The following MLIP variants were observed in gnomAD, a reference collection of about 807,000 sequenced individuals.
The protein encoded by MLIP is muscular LMNA interacting protein.
MLIP carries 79 observed loss-of-function variants against 84.8 expected under a neutral mutation model. That is an observed-to-expected ratio of 0.93 (90% CI 0.78 to 1.12). MLIP has a LOEUF of 1.12. Among genes scored for constraint, MLIP ranks in the 50% most tolerant of loss-of-function variants. The pLI is 0.00. For synonymous variants in MLIP, 504 were observed against 463.0 expected (o/e 1.09, Z -1.14); for missense variants, 1,257 against 1,160.6 (o/e 1.08, Z -1.21).
chr6:54,245,747 A>G (rs568238536), intron 12 of MLIP, among the ~76,000 whole-genome samples: 5 of 152,184 alleles, frequency 3.3e-5, no homozygotes, highest in Middle Eastern at 3.4e-3. Flanking sequence ...ACAAATATCA[A>G]TTTTATCAGT....
At chr6:54,260,845 C>T (rs1225095826) in intron 13 of MLIP, among the ~76,000 whole-genome samples, 2 of 151,876 alleles carry the variant, frequency 1.3e-5, no homozygotes, top group African/African-American at 4.8e-5. Context: ...ATGGGGCTGG[C>T]ATAGCATTTG....
chr6:54,204,995 C>G (rs915189428), intron 11 of MLIP, among the ~76,000 whole-genome samples: 3 of 152,156 alleles, frequency 2.0e-5, no homozygotes, highest in African/African-American at 7.2e-5. Context: ...GTCCCCTGGC[C>G]TTATTCATTG....
intron 13 of MLIP, among the ~76,000 whole-genome samples, chr6:54,258,374 T>C (rs1466796979): frequency 6.6e-6 from 1 of 152,160 alleles, no homozygotes; most frequent in Non-Finnish European, 1.5e-5. Flanking sequence ...TGTCATAGTA[T>C]AAGACTGATG....
chr6:54,247,263 G>A lies in MLIP; in HGVS notation c.2923-10045G>A, dbSNP rs147606564. Among the ~76,000 whole-genome samples, 16 of 152,260 alleles carry A rather than the reference G, an allele frequency of 1.1e-4. No individual in the cohort carries two copies. The East Asian group carries it at 3.1e-3, about 29-fold the overall frequency. On this transcript the variant is annotated intron_variant, in intron 12 of 13. Coordinates refer to ENST00000502396, the MANE Select transcript of MLIP (RefSeq NM_001281747.2). ...GGATGGCTGAAACTGACTGACAGTGGAGAGTTTTCTTTAAGGGCTTCTTAG... is the reference window on the plus strand; with the variant it reads ...GGATGGCTGAAACTGACTGACAGTGAAGAGTTTTCTTTAAGGGCTTCTTAG...
In MLIP at chr6:54,137,086, C is replaced by T. The variant is rs192760034; in HGVS notation, c.1017C>T (p.His339=). ...CTTTAACCTCGCATGTCCTTAGTCA[C>T]GGAGAAAGTCCGAGAACCTCTTCTT... is the stretch of plus-strand genomic sequence containing the variant. ...KTTLTSHVLS[H]GESPRTSSSP... Residue 339 remains histidine (H), a synonymous_variant, in exon 4 of 14, where the codon CAC becomes CAT. Coordinates refer to ENST00000502396, the MANE Select transcript of MLIP (RefSeq NM_001281747.2). 1.8e-4 allele frequency: 271 copies of T among 1,536,086 alleles called. No individual in the cohort carries two copies. The highest frequency in any genetic ancestry group is 9.6e-5 in the Non-Finnish European group (110 of 1,146,884).
At chr6:54,028,288 C>T (rs138786839) in intron 1 of MLIP, among the ~76,000 whole-genome samples, 3 of 152,264 alleles carry the variant, frequency 2.0e-5, no homozygotes, top group African/African-American at 7.2e-5. Context: ...CCTCCACCCC[C>T]AGCTTGGTCT....
At chr6:54,221,293 C>T (rs1005209892) in intron 11 of MLIP, among the ~76,000 whole-genome samples, 4 of 151,972 alleles carry the variant, frequency 2.6e-5, no homozygotes, top group Non-Finnish European at 5.9e-5. Context: ...GTTGGAAAAA[C>T]ATCTCGTCCA....
intron 11 of MLIP, among the ~76,000 whole-genome samples, chr6:54,208,193 TAAAC>T (rs1779175888): frequency 6.6e-6 from 1 of 152,230 alleles, no homozygotes; most frequent in Admixed American, 6.5e-5. Context: ...TGTAAGGTAT[TAAAC>T]AACAACATTT....
chr6:54,109,930 TTCCTTCCTTC>T (rs1561938002), upstream of MLIP, among the ~76,000 whole-genome samples: 2 of 109,094 alleles, frequency 1.8e-5, no homozygotes, highest in African/African-American at 7.1e-5. Context: ...TCTTTCTTCC[TTCCTTCCTTC>T]CTTCCTTCCT....
intron 3 of MLIP, among the ~76,000 whole-genome samples, chr6:54,135,412 C>G (rs955587708): frequency 2.0e-5 from 3 of 152,134 alleles, no homozygotes; most frequent in Admixed American, 1.3e-4. Context: ...TACTTAGAAA[C>G]TTGGAAGTTT....
At chr6:54,256,195 A>G (rs1365513577) in intron 12 of MLIP, among the ~76,000 whole-genome samples, 1 of 152,202 alleles carries the variant, frequency 6.6e-6, no homozygotes, top group Non-Finnish European at 1.5e-5. Flanking sequence ...TAGTGAAGCT[A>G]TAACTTTAAA....
intron 4 of MLIP, 94 bp from the exon 5 acceptor site, chr6:54,148,962 A>G: frequency 2.1e-6 from 2 of 964,162 alleles, no homozygotes; most frequent in Non-Finnish European, 3.3e-6. Flanking sequence ...TTCATTTGAT[A>G]ACGTATCATT....
chr6:54,150,983 AATT>A (rs1285199309), intron 5 of MLIP, among the ~76,000 whole-genome samples: 46 of 152,326 alleles, frequency 3.0e-4, no homozygotes, highest in South Asian at 1.0e-3. Context: ...TCTGTAGGAA[AATT>A]ATTATGTCTA....
intron 11 of MLIP, chr6:54,215,977 A>G: frequency 4.9e-6 from 1 of 202,650 alleles, no homozygotes. Context: ...TTTGGAATTC[A>G]TTCATGTTAT....
At chr6:54,131,876 G>C (rs1055135899) in intron 3 of MLIP, among the ~76,000 whole-genome samples, 2 of 152,132 alleles carry the variant, frequency 1.3e-5, no homozygotes, top group Non-Finnish European at 2.9e-5. Flanking sequence ...TGCAGATATG[G>C]GCTGGATTCA....
At chr6:54,163,363 T>C (rs1038568734) in intron 8 of MLIP, among the ~76,000 whole-genome samples, 1 of 151,968 alleles carries the variant, frequency 6.6e-6, no homozygotes, top group African/African-American at 2.4e-5. Context: ...TTTATAATTA[T>C]TGCAATTCTT....
chr6:54,060,440 C>A (rs905661735), intron 1 of MLIP, among the ~76,000 whole-genome samples: 3 of 152,160 alleles, frequency 2.0e-5, no homozygotes, highest in African/African-American at 7.2e-5. Flanking sequence ...CTTCAAGGGG[C>A]TAGAGTCAGA....
chr6:54,201,124 G>A (rs1778647609), intron 10 of MLIP, among the ~76,000 whole-genome samples: 1 of 152,112 alleles, frequency 6.6e-6, no homozygotes, highest in Admixed American at 6.5e-5. Flanking sequence ...ACAAGATTTT[G>A]GTGTTTGTGA....
chr6:54,242,052 T>A (rs932192979), intron 12 of MLIP, among the ~76,000 whole-genome samples: 3 of 152,172 alleles, frequency 2.0e-5, no homozygotes, highest in African/African-American at 7.2e-5. Flanking sequence ...ACTCCTTTTG[T>A]TTCCCCATCA....
Sources: gnomAD v4.1 joint callset for allele counts (sites outside exome capture counted in the v4.1 genomes callset) on GRCh38, gnomAD v4.1.1 for gene constraint, MANE v1.5 for transcripts, NCBI Gene and HGNC (gene_info 2026-07-23, HGNC 2026-07-21) for gene names.